PLCG2: variants seen among roughly 807,000 people sequenced by gnomAD.
The protein encoded by PLCG2 is phospholipase C gamma 2, also known as 1-phosphatidylinositol 4,5-bisphosphate phosphodiesterase gamma-2.
PLCG2 carries 69 observed loss-of-function variants against 175.6 expected under a neutral mutation model. The ratio of observed to expected loss-of-function variants is 0.39; its 90% CI spans 0.32 to 0.48. The LOEUF (loss-of-function observed/expected upper bound fraction) is 0.48, where lower values mean the gene tolerates loss of function less well. Among genes scored for constraint, PLCG2 ranks in the 20% least tolerant of loss-of-function variants. PLCG2 has a pLI of 0.91. For missense variants in PLCG2, 1,798 were observed against 1,650.9 expected (o/e 1.09, Z -1.54); for synonymous variants, 827 against 624.0 (o/e 1.33, Z -4.85).
At chr16:81,907,395 G>A (rs1357229440) in intron 15 of PLCG2, among the ~76,000 whole-genome samples, 1 of 152,100 alleles carries the variant, frequency 6.6e-6, no homozygotes, top group African/African-American at 2.4e-5. Context: ...GTTTTAAAAG[G>A]TAGATGGAAT....
At chr16:81,772,139 C>T (rs1335257381) in intron 2 of PLCG2, among the ~76,000 whole-genome samples, 1 of 152,036 alleles carries the variant, frequency 6.6e-6, no homozygotes, top group Non-Finnish European at 1.5e-5. Flanking sequence ...TGAGAACATC[C>T]TGGATTCAGG....
intron 32 of PLCG2, 107 bp downstream of exon 32, chr16:81,956,986 A>T: frequency 1.0e-6 from 1 of 976,774 alleles, no homozygotes; most frequent in Non-Finnish European, 1.5e-6. Flanking sequence ...TGCTTTCTTC[A>T]GAAATCCTTG....
rs151080308 is a variant in PLCG2, at chr16:81,895,130, C to G, written c.1073-677C>G. Among the ~76,000 whole-genome samples, 622 of 152,350 alleles carry G rather than the reference C, an allele frequency of 4.1e-3. 6 individuals are homozygous for G. Among genetic ancestry groups the G allele is most frequent in the African/African-American group, 0.014 (598 of 41,586 alleles). ...TGTTCATCTTCCACATGACCCATTT[C>G]TGTTTGAAAATATTACTGTGAACCT... On this transcript the variant is annotated intron_variant, in intron 12 of 32. Coordinates refer to ENST00000564138, the MANE Select transcript of PLCG2 (RefSeq NM_002661.5).
intron 5 of PLCG2, among the ~76,000 whole-genome samples, chr16:81,862,118 C>T (rs1446280554): frequency 6.6e-6 from 1 of 152,224 alleles, no homozygotes; most frequent in Non-Finnish European, 1.5e-5. Flanking sequence ...TGACTTCTGT[C>T]CTGCCAATTT....
intron 1 of PLCG2, chr16:81,783,171 T>G (rs1341922938): frequency 6.2e-6 from 3 of 484,792 alleles, no homozygotes; most frequent in African/African-American, 5.8e-5. Context: ...CCTACTTATG[T>G]TCCAGTGGAC....
intron 2 of PLCG2, among the ~76,000 whole-genome samples, chr16:81,789,531 C>T (rs916705670): frequency 1.4e-4 from 22 of 152,332 alleles, no homozygotes; most frequent in Non-Finnish European, 1.8e-4. Context: ...TCAAGTGATC[C>T]TCCCACCTTG....
intron 2 of PLCG2, among the ~76,000 whole-genome samples, chr16:81,787,154 C>T (rs570432187): frequency 5.2e-4 from 79 of 152,282 alleles, no homozygotes; most frequent in South Asian, 1.2e-3. Flanking sequence ...CAGAGAAGGG[C>T]ATTTCATGCT....
chr16:81,862,525 A>C (rs1168549097), intron 5 of PLCG2, among the ~76,000 whole-genome samples: 2 of 152,162 alleles, frequency 1.3e-5, no homozygotes, highest in East Asian at 3.9e-4. Context: ...GGGTTTGCAG[A>C]CTTACTTTCC....
intron 2 of PLCG2, among the ~76,000 whole-genome samples, chr16:81,805,773 T>TTG (rs1567473545): frequency 1.7e-4 from 17 of 100,896 alleles, no homozygotes; most frequent in African/African-American, 5.3e-4. Context: ...TTTTGTTTTT[T>TTG]TTTTTTTTTG....
At chr16:81,872,131 G>A (rs1298077816) in intron 7 of PLCG2, among the ~76,000 whole-genome samples, 2 of 152,102 alleles carry the variant, frequency 1.3e-5, no homozygotes, top group African/African-American at 2.4e-5. Context: ...AGTTTGAGAT[G>A]AGCCTGGTCA....
intron 22 of PLCG2, among the ~76,000 whole-genome samples, chr16:81,925,008 A>G (rs1910205640): frequency 6.6e-6 from 1 of 152,236 alleles, no homozygotes; most frequent in Non-Finnish European, 1.5e-5. Context: ...CCTGGTGCGC[A>G]CTGGGTGGGT....
chr16:81,757,695 A>G lies in PLCG2; in HGVS notation c.-48+1729A>G, dbSNP rs911031466. On this transcript the variant is annotated intron_variant, in intron 2 of 5. Transcript: ENST00000565054. ...CATGTATCACGCAATTCACCCATTT[A>G]AAGTGTGATTCGATGGCTTATAGTG... 2.6e-5 allele frequency among the ~76,000 whole-genome samples: 4 copies of G among 152,212 alleles called. No individual in the cohort carries two copies. The East Asian group carries it at 5.8e-4, about 22-fold the overall frequency.
intron 2 of PLCG2, 129 bp from the exon 3 acceptor site, chr16:81,854,315 A>C (rs956222938): frequency 1.4e-5 from 11 of 810,224 alleles, no homozygotes; most frequent in East Asian, 2.5e-5. Flanking sequence ...GTCCAGACGC[A>C]GAGATAGCTT....
chr16:81,770,486 G>T, intron 2 of PLCG2, among the ~76,000 whole-genome samples: 1 of 152,196 alleles, frequency 6.6e-6, no homozygotes, highest in East Asian at 1.9e-4. Context: ...GCTTAGGTGG[G>T]AGAGTCGTTT....
At chr16:81,811,053 A>G (rs1041647991) in intron 2 of PLCG2, among the ~76,000 whole-genome samples, 3 of 152,110 alleles carry the variant, frequency 2.0e-5, no homozygotes, top group Non-Finnish European at 4.4e-5. Context: ...TAACCTGTGT[A>G]CCAGAGGGAC....
intron 12 of PLCG2, among the ~76,000 whole-genome samples, chr16:81,894,763 C>T (rs1248992240): frequency 1.3e-5 from 2 of 151,982 alleles, no homozygotes; most frequent in Non-Finnish European, 2.9e-5. Flanking sequence ...ATCCCAGCTG[C>T]TTGGGAGGCC....
chr16:81,752,881 C>A (rs1017621732), intron 1 of PLCG2, among the ~76,000 whole-genome samples: 1 of 152,226 alleles, frequency 6.6e-6, no homozygotes, highest in East Asian at 1.9e-4. Flanking sequence ...TGGCTCCAGG[C>A]CTTGCACTGC....
chr16:81,869,750 C>G (rs1214933511), intron 6 of PLCG2, among the ~76,000 whole-genome samples: 1 of 152,194 alleles, frequency 6.6e-6, no homozygotes, highest in African/African-American at 2.4e-5. Flanking sequence ...GTTTCTCCAA[C>G]CATCCATCCT....
intron 2 of PLCG2, among the ~76,000 whole-genome samples, chr16:81,762,046 G>T (rs984462293): frequency 4.6e-5 from 7 of 151,562 alleles, no homozygotes; most frequent in Admixed American, 2.0e-4. Flanking sequence ...TGGTGGCTAG[G>T]GTTGTCTGGA....
Sources: gnomAD v4.1 joint callset for allele counts (sites outside exome capture counted in the v4.1 genomes callset) on GRCh38, gnomAD v4.1.1 for gene constraint, MANE v1.5 for transcripts, NCBI Gene and HGNC (gene_info 2026-07-23, HGNC 2026-07-21) for gene names.